Variants in SLC9A3 observed in about 807,000 individuals in gnomAD.
SLC9A3 encodes sodium/hydrogen exchanger 3.
A neutral mutation model predicts 86.8 loss-of-function variants in SLC9A3; 37 were observed. That is an observed-to-expected ratio of 0.43 (90% CI 0.33 to 0.56). The LOEUF (loss-of-function observed/expected upper bound fraction) is 0.56, where lower values mean the gene tolerates loss of function less well. SLC9A3 is among the 20% of genes least tolerant of loss of function. SLC9A3 has a pLI of 0.06. For missense variants in SLC9A3, 1,011 were observed against 1,171.9 expected (o/e 0.86, Z 2.00); for synonymous variants, 581 against 528.3 (o/e 1.10, Z -1.37).
intron 3 of SLC9A3, 49 bp from the exon 4 acceptor site, chr5:485,280 C>T: frequency 6.6e-7 from 1 of 1,507,048 alleles, no homozygotes; most frequent in Non-Finnish European, 9.2e-7. Flanking sequence ...TTAGTGCCAC[C>T]CCCTCTCCGG....
Position 491,857 on chromosome 5 carries a change from G to C in SLC9A3, c.426C>G (p.Thr142=). The change falls in exon 2 of 17, where the codon ACC becomes ACG. Residue 142 remains threonine (T), a synonymous_variant. Coordinates refer to ENST00000264938, the MANE Select transcript of SLC9A3 (RefSeq NM_004174.4). The surrounding 1 kb of genome is among the most constrained non-coding windows in gnomAD (Gnocchi z 9.2). ...TACCCACGACGGCGTACAACAGGAT[G>C]GTCCCCAGGTTGCCGAAGAAGAGGC... ...PNRLFFGNLG[T]ILLYAVVGTV... 6.2e-7 allele frequency: 1 copy of C among 1,608,658 alleles called. No individual in the cohort carries two copies.
chr5:501,919 C>T (rs530338568), intron 1 of SLC9A3, among the ~76,000 whole-genome samples: 122 of 152,330 alleles, frequency 8.0e-4, no homozygotes, highest in Non-Finnish European at 1.3e-3. Flanking sequence ...CCGGGGGCCA[C>T]GCAGGAAGCC....
At chr5:517,904 T>TCATC (rs1267252437) in intron 1 of SLC9A3, among the ~76,000 whole-genome samples, 1 of 149,888 alleles carries the variant, frequency 6.7e-6, no homozygotes. Context: ...CATCCACCCA[T>TCATC]CATCCATCCA....
In SLC9A3 at chr5:502,861, GTGTTCCAGTGAAACTTTACCA is replaced by G. The variant is rs1341844748; in HGVS notation, c.212-10811_212-10791del. Among the ~76,000 whole-genome samples, 182 of 108,762 alleles carry G rather than the reference GTGTTCCAGTGAAACTTTACCA, an allele frequency of 1.7e-3. 1 individual carries two copies. The highest frequency in any genetic ancestry group is 4.0e-3 in the South Asian group (13 of 3,234). 71.4% of individuals were successfully genotyped at this position (108,762 alleles called of 152,430 possible). ...CGCCGTAATGACACAGATGGGCGCT[GTGTTCCAGTGAAACTTTACCA>G]CTCACTACCAGTGAGGCCGAAAGCC... On this transcript the variant is annotated intron_variant, in intron 1 of 16. Coordinates refer to ENST00000264938, the MANE Select transcript of SLC9A3 (RefSeq NM_004174.4).
At position 497,274 on chromosome 5, in the gene SLC9A3, G is replaced by A. The variant is rs995162851; in HGVS notation, c.212-5203C>T. Among the ~76,000 whole-genome samples the A allele has an allele frequency of 3.3e-5, 5 of 152,050 alleles. No individual in the cohort carries two copies. Among genetic ancestry groups the A allele is most frequent in the Non-Finnish European group, 5.9e-5 (4 of 67,998 alleles). On this transcript the variant is annotated intron_variant, in intron 1 of 16. Coordinates refer to ENST00000264938, the MANE Select transcript of SLC9A3 (RefSeq NM_004174.4). The surrounding 1 kb of genome is among the most constrained non-coding windows in gnomAD (Gnocchi z 5.4). ...TCAAGTCACACCACTGCTCTGCCTC[G>A]GGCGACACGGTGCACTGGCCGAATT...
intron 1 of SLC9A3, among the ~76,000 whole-genome samples, chr5:517,876 TCCATCCACTTATCCATCCATCCAC>T (rs1733781198): frequency 6.6e-6 from 1 of 151,464 alleles, no homozygotes; most frequent in Admixed American, 6.6e-5. Flanking sequence ...CATCCATCCA[TCCATCCACTTATCCATCCATCCAC>T]CCATCATCCA....
chr5:475,245 G>A lies in SLC9A3; in HGVS notation c.2252-113C>T, dbSNP rs548930358. ...CTTGGAAAGTTAGGGTCACCGGGAA[G>A]GTTAGGGTCACGTGCCTTTCAGGTT... On this transcript the variant is annotated intron_variant, in intron 15 of 16. Coordinates refer to ENST00000264938, the MANE Select transcript of SLC9A3 (RefSeq NM_004174.4). The A allele has an allele frequency of 5.5e-4, 595 of 1,084,436 alleles. 2 individuals are homozygous for A. In the African/African-American group the frequency reaches 8.9e-3, roughly 16 times the overall value. The allele number at this position is 1,084,436 out of a possible 1,614,324, so 67.2% of individuals were successfully genotyped here. A position where few individuals can be genotyped will look rare whatever the true frequency, so the allele number is the denominator to read the frequency against.
Position 491,773 on chromosome 5 carries a change from G to C in SLC9A3, c.510C>G (p.Leu170=). The C allele has an allele frequency of 7.8e-6, 12 of 1,541,538 alleles. No individual in the cohort carries two copies. Among genetic ancestry groups the C allele is most frequent in the Non-Finnish European group, 1.1e-5 (12 of 1,137,870 alleles). The change falls in exon 2 of 17, where the codon CTC becomes CTG. Residue 170 remains leucine, a synonymous_variant. Transcript: ENST00000264938. The surrounding 1 kb of genome is among the most constrained non-coding windows in gnomAD (Gnocchi z 9.2). ...GCAACAGTGGCGCAGACTCACCCAT[G>C]AGCCCACTGAGGAAGACGCCGTAGA... ...LSLYGVFLSG[L]MGDLQIGLLD...
chr5:480,599 C>T (rs558310624), intron 9 of SLC9A3: 1 of 152,552 alleles, frequency 6.6e-6, no homozygotes, highest in Non-Finnish European at 1.5e-5. Context: ...TCAGCCACAC[C>T]AAGAAGTCAA....
In SLC9A3 at chr5:491,722, C is replaced by A; in HGVS notation, c.514+47G>T. ...TGAGATGAGGCAGCGCCGCCCCTCC[C>A]GGACCCCACCCTGATCCCGGCCGGG... is the stretch of plus-strand genomic sequence containing the variant. On this transcript the variant is annotated intron_variant, in intron 2 of 16. Transcript: ENST00000264938. This position sits in a 1 kb window ranked among gnomAD's most constrained non-coding sequence, Gnocchi z 9.2. 1.4e-6 allele frequency: 2 copies of A among 1,463,468 alleles called. No homozygotes were observed. The highest frequency in any genetic ancestry group is 1.8e-6 in the Non-Finnish European group (2 of 1,093,880). 90.7% of individuals were successfully genotyped at this position (1,463,468 alleles called of 1,614,324 possible).
At chr5:516,230 C>T (rs61249512) in intron 1 of SLC9A3, among the ~76,000 whole-genome samples, 3,887 of 150,784 alleles carry the variant, frequency 0.026, 148 homozygotes, top group African/African-American at 0.079. Flanking sequence ...GAGTGCTGCC[C>T]CATGGGATAT....
intron 9 of SLC9A3, chr5:480,482 C>T (rs539249436): frequency 7.6e-4 from 118 of 156,140 alleles, no homozygotes; most frequent in Non-Finnish European, 1.3e-3. Context: ...TGGGTGCAGC[C>T]GCCAGAGCCG....
At position 523,731 on chromosome 5, in the gene SLC9A3, C is replaced by T. The variant is rs1256545571; in HGVS notation, c.211+381G>A. ...CTTGTAACTCACGAAAAAACGCCATCACTCCAAGGACGTTTCTCTAAAAAG... is the reference window on the plus strand; with the variant it reads ...CTTGTAACTCACGAAAAAACGCCATTACTCCAAGGACGTTTCTCTAAAAAG... On this transcript the variant is annotated intron_variant, in intron 1 of 16. Coordinates refer to ENST00000264938, the MANE Select transcript of SLC9A3 (RefSeq NM_004174.4). 3.9e-5 allele frequency among the ~76,000 whole-genome samples: 6 copies of T among 152,254 alleles called. No individual in the cohort carries two copies. The East Asian group carries it at 1.2e-3, about 29-fold the overall frequency.
At chr5:475,726 G>A in intron 14 of SLC9A3, 55 bp from the exon 15 acceptor site, 2 of 987,274 alleles carry the variant, frequency 2.0e-6, no homozygotes, top group Non-Finnish European at 3.2e-6. Context: ...TGTCCTCACA[G>A]CCCAGTCAGC....
Position 491,726 on chromosome 5 carries a change from C to T in SLC9A3, c.514+43G>A, listed in dbSNP as rs1450325183. ...ATGAGGCAGCGCCGCCCCTCCCGGA[C>T]CCCACCCTGATCCCGGCCGGGGCAA... On this transcript the variant is annotated intron_variant, in intron 2 of 16. Transcript: ENST00000264938. The surrounding 1 kb of genome is among the most constrained non-coding windows in gnomAD (Gnocchi z 9.2). 4.1e-6 allele frequency: 6 copies of T among 1,472,580 alleles called. No homozygotes were observed. The highest frequency in any genetic ancestry group is 2.8e-5 in the African/African-American group (2 of 71,392). The allele number at this position is 1,472,580 out of a possible 1,614,324, so 91.2% of individuals were successfully genotyped here. A position where few individuals can be genotyped will look rare whatever the true frequency, so the allele number is the denominator to read the frequency against.
At chr5:502,277 C>T (rs1266229938) in intron 1 of SLC9A3, among the ~76,000 whole-genome samples, 1 of 152,236 alleles carries the variant, frequency 6.6e-6, no homozygotes, top group Non-Finnish European at 1.5e-5. Context: ...CCAGCCGCTC[C>T]GGCCCCCCAC....
intron 1 of SLC9A3, among the ~76,000 whole-genome samples, chr5:517,996 C>T (rs760073572): frequency 9.9e-5 from 15 of 152,024 alleles, no homozygotes; most frequent in African/African-American, 2.7e-4. Context: ...CATCAATCCA[C>T]GCATCCATCC....
At position 496,313 on chromosome 5, in the gene SLC9A3, A is replaced by G. The variant is rs954703852; in HGVS notation, c.212-4242T>C. On this transcript the variant is annotated intron_variant, in intron 1 of 16. Coordinates refer to ENST00000264938, the MANE Select transcript of SLC9A3 (RefSeq NM_004174.4). This position sits in a 1 kb window ranked among gnomAD's most constrained non-coding sequence, Gnocchi z 4.7. ...CCTCCTGCATGGGACATGCCGTCCC[A>G]CCTGCCCACGGGGGAGGAGCCGCAC... is the stretch of plus-strand genomic sequence containing the variant. 4.7e-5 allele frequency among the ~76,000 whole-genome samples: 7 copies of G among 150,012 alleles called. No homozygotes were observed. Among genetic ancestry groups the G allele is most frequent in the African/African-American group, 1.7e-4 (7 of 40,710 alleles).
intron 1 of SLC9A3, among the ~76,000 whole-genome samples, chr5:509,714 C>A (rs542285467): frequency 6.6e-6 from 1 of 152,198 alleles, no homozygotes; most frequent in South Asian, 2.1e-4. Context: ...AGCTGTACCC[C>A]AAAGCATGTC....
Sources: allele counts gnomAD v4.1 joint callset (sites outside exome capture counted in the v4.1 genomes callset), GRCh38; gene constraint gnomAD v4.1.1; non-coding constraint Gnocchi (gnomAD v3.1); transcripts MANE v1.5; gene names NCBI Gene and HGNC (gene_info 2026-07-23, HGNC 2026-07-21).